Variants in ADGRA1 observed in about 807,000 individuals in gnomAD.
ADGRA1 encodes the protein adhesion G protein-coupled receptor A1.
In ADGRA1, 12 loss-of-function variants were observed where a neutral mutation model predicts 21.3. The ratio of observed to expected loss-of-function variants is 0.56; its 90% CI spans 0.36 to 0.91. The LOEUF (loss-of-function observed/expected upper bound fraction) is 0.91, where lower values mean the gene tolerates loss of function less well. Ranked by LOEUF, ADGRA1 falls within the 40% of genes least tolerant of loss-of-function variation. The pLI, the probability that ADGRA1 is intolerant of heterozygous loss-of-function variation, is 0.01. For synonymous variants in ADGRA1, 385 were observed against 368.8 expected (o/e 1.04, Z -0.50); for missense variants, 790 against 805.6 (o/e 0.98, Z 0.23).
chr10:133,111,850 G>GACACCTCCCTCCTAATCCCTCCA (rs1852021569), intron 5 of ADGRA1, among the ~76,000 whole-genome samples: 1 of 147,362 alleles, frequency 6.8e-6, no homozygotes, highest in Non-Finnish European at 1.5e-5. Flanking sequence ...GCCCACCACG[G>GACACCTCCCTCCTAATCCCTCCA]GCACCTCCCT....
At chr10:133,089,343 C>T (rs1449994278) in intron 2 of ADGRA1, among the ~76,000 whole-genome samples, 2 of 152,156 alleles carry the variant, frequency 1.3e-5, no homozygotes, top group African/African-American at 4.8e-5. Context: ...AAAGGCAGTG[C>T]GGACAGACGT....
intron 5 of ADGRA1, among the ~76,000 whole-genome samples, chr10:133,111,877 C>A (rs28595204): frequency 0.029 from 1,260 of 43,976 alleles, 3 homozygotes; most frequent in Middle Eastern, 0.093. Flanking sequence ...CCCTCCAGAC[C>A]ACCTGCCCAC....
chr10:133,113,355 TC>T (rs1164653864), intron 5 of ADGRA1, among the ~76,000 whole-genome samples: 1 of 152,224 alleles, frequency 6.6e-6, no homozygotes, highest in African/African-American at 2.4e-5. Context: ...GGATGCCTGC[TC>T]CCGCCTTCAC....
chr10:133,098,846 G>A (rs964882307), intron 4 of ADGRA1, 83 bp downstream of exon 4: 35 of 1,512,082 alleles, frequency 2.3e-5, no homozygotes, highest in African/African-American at 2.8e-5. Context: ...ATATTCCAGC[G>A]TTTGCTCAGC....
Position 133,128,785 on chromosome 10 carries a change from ATGC to A in ADGRA1, c.961_963del (p.Cys321del). 1 of 1,610,390 alleles carries A rather than the reference ATGC, an allele frequency of 6.2e-7. No individual in the cohort carries two copies. The highest frequency in any genetic ancestry group is 8.5e-7 in the Non-Finnish European group (1 of 1,178,934). On this transcript the variant is annotated inframe_deletion, in exon 7 of 7. Coordinates refer to ENST00000392607, the MANE Select transcript of ADGRA1 (RefSeq NM_001083909.3). Reference sequence around the variant, plus strand: ...AGGACGTGTGGCAGTGCTGGTGGGCATGCTGCCCGCCCCGCAAGGACGCCCACC... The same window carrying A: ...AGGACGTGTGGCAGTGCTGGTGGGCATGCCCGCCCCGCAAGGACGCCCACC...
chr10:133,127,085 G>C (rs1056363615), intron 5 of ADGRA1, 148 bp from the exon 6 acceptor site: 1 of 464,668 alleles, frequency 2.2e-6, no homozygotes, highest in East Asian at 3.7e-5. Context: ...GTCGGGGGTC[G>C]GGGGTCGGGG....
At chr10:133,102,404 C>CCT in intron 4 of ADGRA1, 3 of 551,324 alleles carry the variant, frequency 5.4e-6, no homozygotes, top group Non-Finnish European at 6.9e-6. Flanking sequence ...GGGACCACAG[C>CCT]GGGTTGTGCA....
intron 5 of ADGRA1, among the ~76,000 whole-genome samples, chr10:133,122,059 G>A (rs1028584765): frequency 1.2e-4 from 19 of 152,292 alleles, no homozygotes; most frequent in South Asian, 2.1e-4. Flanking sequence ...GGGCATGTAC[G>A]TGTGGAAGTG....
chr10:133,093,388 A>G (rs1851636541), intron 2 of ADGRA1: 1 of 1,156,278 alleles, frequency 8.6e-7, no homozygotes, highest in Non-Finnish European at 1.2e-6. Context: ...GAGACCTCCA[A>G]TTAAAATGAG....
At chr10:133,091,665 T>C (rs1851597518) in intron 2 of ADGRA1, among the ~76,000 whole-genome samples, 1 of 152,208 alleles carries the variant, frequency 6.6e-6, no homozygotes, top group Non-Finnish European at 1.5e-5. Flanking sequence ...AGGCGCTGTT[T>C]GCTGCACCCT....
Position 133,129,778 on chromosome 10 carries a change from C to G in ADGRA1, c.*267C>G. ...ACGCCCACTCCCCTTATCCCAATTC[C>G]GCGTGCTGGTCCCGCACACGGTCAT... On this transcript the variant is annotated 3_prime_UTR_variant, in exon 7 of 7. Transcript: ENST00000392607. 1 of 453,984 alleles carries G rather than the reference C, an allele frequency of 2.2e-6. No homozygotes were observed. Among genetic ancestry groups the G allele is most frequent in the East Asian group, 3.4e-5 (1 of 29,752 alleles). 28.1% of individuals were successfully genotyped at this position (453,984 alleles called of 1,614,324 possible).
intron 5 of ADGRA1, among the ~76,000 whole-genome samples, chr10:133,114,410 C>T (rs1420323440): frequency 3.3e-5 from 5 of 152,228 alleles, no homozygotes; most frequent in Non-Finnish European, 7.3e-5. Context: ...AGCATCTTGT[C>T]AGTCACGAAG....
chr10:133,128,493 C>T lies in ADGRA1; in HGVS notation c.665C>T (p.Ala222Val). ...CAGCCCGAGGAGCAGCGGCGGCTGG[C>T]GACACCCGAGGGCGGCCGTGGGATC... ...RTQPEEQRRL[A>V]TPEGGRGIRP... The change falls in exon 7 of 7, where the codon GCG becomes GTG. Residue 222 changes from alanine (A) to valine (V), a missense_variant. Coordinates refer to ENST00000392607, the MANE Select transcript of ADGRA1 (RefSeq NM_001083909.3). 2 of 1,557,586 alleles carry T rather than the reference C, an allele frequency of 1.3e-6. No individual in the cohort carries two copies. The highest frequency in any genetic ancestry group is 1.7e-6 in the Non-Finnish European group (2 of 1,152,938).
At chr10:133,111,098 C>T (rs1851983295) in intron 5 of ADGRA1, among the ~76,000 whole-genome samples, 1 of 151,754 alleles carries the variant, frequency 6.6e-6, no homozygotes, top group Non-Finnish European at 1.5e-5. Flanking sequence ...CCATGGGCAG[C>T]TCCCCTCCTA....
At position 133,105,300 on chromosome 10, in the gene ADGRA1, G is replaced by C. The variant is rs1851873043; in HGVS notation, c.401+2458G>C. Among the ~76,000 whole-genome samples the C allele has an allele frequency of 4.6e-5, 7 of 152,288 alleles. No homozygotes were observed. The South Asian group carries it at 1.2e-3, about 27-fold the overall frequency. ...AGCGCAGCCAGCTCCCACTCACATG[G>C]GCAGTGGCCGAGTCTCAGCCGCCGT... On this transcript the variant is annotated intron_variant, in intron 5 of 6. Coordinates refer to ENST00000392607, the MANE Select transcript of ADGRA1 (RefSeq NM_001083909.3).
intron 5 of ADGRA1, among the ~76,000 whole-genome samples, chr10:133,110,315 C>G (rs943022428): frequency 6.6e-6 from 1 of 152,410 alleles, no homozygotes; most frequent in African/African-American, 2.4e-5. Context: ...TCTGCCAGCT[C>G]CGCTGGCCAC....
intron 2 of ADGRA1, chr10:133,095,749 C>G: frequency 6.3e-7 from 1 of 1,598,534 alleles, no homozygotes; most frequent in Non-Finnish European, 8.5e-7. Flanking sequence ...CAGGAGCTCT[C>G]GGGCCCGCTG....
Position 133,129,722 on chromosome 10 carries a change from G to GATCAC in ADGRA1, c.*212_*213insTCACA, listed in dbSNP as rs1299824248. ...GATCACACCCCTGCCCCTTCCTTGT[G>GATCAC]AAAGACCTCAGCGGGGAAACGCTCC... On this transcript the variant is annotated 3_prime_UTR_variant, in exon 7 of 7. Transcript: ENST00000392607. 2.0e-6 allele frequency: 1 copy of GATCAC among 510,364 alleles called. No individual in the cohort carries two copies. The highest frequency in any genetic ancestry group is 3.5e-6 in the Non-Finnish European group (1 of 288,692). 31.6% of individuals were successfully genotyped at this position (510,364 alleles called of 1,614,324 possible).
At chr10:133,106,452 G>A (rs1266906028) in intron 5 of ADGRA1, among the ~76,000 whole-genome samples, 1 of 152,238 alleles carries the variant, frequency 6.6e-6, no homozygotes, top group Non-Finnish European at 1.5e-5. Context: ...AACCCCACCA[G>A]GATGGGTCCC....
Sources: allele counts gnomAD v4.1 joint callset (sites outside exome capture counted in the v4.1 genomes callset), GRCh38; gene constraint gnomAD v4.1.1; transcripts MANE v1.5; gene names NCBI Gene and HGNC (gene_info 2026-07-23, HGNC 2026-07-21).